PHF14: variants seen among roughly 807,000 people sequenced by gnomAD.
PHF14 encodes the protein PHD finger protein 14.
A neutral mutation model predicts 117.9 loss-of-function variants in PHF14; 55 were observed. The observed-to-expected ratio is 0.47, with a 90% CI of 0.38 to 0.58. PHF14 has a LOEUF of 0.58. PHF14 is among the 20% of genes least tolerant of loss of function. The probability of loss-of-function intolerance (pLI) is 0.00; values close to 1 mark genes in which losing one functional copy is unlikely to be tolerated. For synonymous variants in PHF14, 409 were observed against 368.6 expected (o/e 1.11, Z -1.26); for missense variants, 978 against 1,122.2 (o/e 0.87, Z 1.84).
rs142174329 is a variant in PHF14, at chr7:11,061,605, A to G, written c.2482-186A>G. On this transcript the variant is annotated intron_variant, in intron 14 of 17. Coordinates refer to ENST00000634607, the MANE Select transcript of PHF14 (RefSeq NM_001007157.2). ...AAGTATATTTAATTTGTTACTTTTT[A>G]TTTCCTATGGCATAAATGGTAACAA... The G allele has an allele frequency of 6.5e-3, 2,558 of 392,706 alleles. 51 individuals are homozygous for G. Among genetic ancestry groups the G allele is most frequent in the African/African-American group, 0.049 (2,351 of 48,144 alleles). 24.3% of individuals were successfully genotyped at this position (392,706 alleles called of 1,614,324 possible).
chr7:11,036,425 T>A lies in PHF14; in HGVS notation c.1610T>A (p.Ile537Asn). The part of the protein sequence containing the change: ...KQLSPEAQAR[I>N]NARLQQYRAK... ...AATACATTTCTTTTATAGGCAAGGATCAATGCCCGGCTTCAGCAGTATCGT... is the reference window on the plus strand; with the variant it reads ...AATACATTTCTTTTATAGGCAAGGAACAATGCCCGGCTTCAGCAGTATCGT... Residue 537 changes from isoleucine (I) to asparagine (N), a missense_variant, in exon 9 of 18, where the codon ATC becomes AAC. Coordinates refer to ENST00000634607, the MANE Select transcript of PHF14 (RefSeq NM_001007157.2). 1.2e-6 allele frequency: 2 copies of A among 1,610,886 alleles called. No homozygotes were observed. The highest frequency in any genetic ancestry group is 1.7e-6 in the Non-Finnish European group (2 of 1,177,602).
At chr7:11,007,070 G>C (rs1020632129) in intron 4 of PHF14, among the ~76,000 whole-genome samples, 1 of 151,990 alleles carries the variant, frequency 6.6e-6, no homozygotes, top group East Asian at 1.9e-4. Flanking sequence ...CCAGCTACTT[G>C]GGAGGCTGAG....
intron 17 of PHF14, among the ~76,000 whole-genome samples, chr7:11,152,695 T>A (rs914219393): frequency 6.6e-6 from 1 of 152,182 alleles, no homozygotes; most frequent in Non-Finnish European, 1.5e-5. Context: ...TGCACTCTAG[T>A]AAGGCAGACA....
At chr7:10,984,112 A>G (rs1262396642) in intron 3 of PHF14, among the ~76,000 whole-genome samples, 1 of 152,154 alleles carries the variant, frequency 6.6e-6, no homozygotes, top group East Asian at 1.9e-4. Context: ...TTTTTTCCAT[A>G]TCACTGAAGT....
At chr7:10,996,895 C>T (rs929221615) in intron 4 of PHF14, among the ~76,000 whole-genome samples, 6 of 152,152 alleles carry the variant, frequency 3.9e-5, no homozygotes, top group African/African-American at 7.2e-5. Context: ...CTGGTCATGG[C>T]GTTAGCTCTC....
intron 7 of PHF14, among the ~76,000 whole-genome samples, chr7:11,030,311 A>G (rs573613680): frequency 1.3e-5 from 2 of 152,228 alleles, no homozygotes; most frequent in South Asian, 4.1e-4. Flanking sequence ...CAGGGAATCT[A>G]TAGGATAAGG....
chr7:11,005,396 C>T (rs1296987524), intron 4 of PHF14, among the ~76,000 whole-genome samples: 1 of 151,956 alleles, frequency 6.6e-6, no homozygotes, highest in African/African-American at 2.4e-5. Context: ...TAACTGATTG[C>T]TGTTTCTGTT....
At chr7:11,147,097 C>T (rs894621557) in intron 17 of PHF14, among the ~76,000 whole-genome samples, 2 of 152,126 alleles carry the variant, frequency 1.3e-5, no homozygotes, top group Non-Finnish European at 2.9e-5. Flanking sequence ...ATCTGCCCAC[C>T]TCGGCTTCCC....
At chr7:11,011,453 T>C (rs1299054545) in intron 4 of PHF14, among the ~76,000 whole-genome samples, 4 of 152,236 alleles carry the variant, frequency 2.6e-5, no homozygotes, top group African/African-American at 9.6e-5. Context: ...GTTAAATGTT[T>C]CTCACTGTGG....
At chr7:11,061,533 A>G (rs537404991) in intron 14 of PHF14, 1 of 250,084 alleles carries the variant, frequency 4.0e-6, no homozygotes, top group Non-Finnish European at 7.5e-6. Context: ...TGGAGAATTC[A>G]TTTTTTTTCT....
At chr7:11,054,890 A>T (rs975593573) in intron 14 of PHF14, among the ~76,000 whole-genome samples, 6 of 152,020 alleles carry the variant, frequency 3.9e-5, no homozygotes. Flanking sequence ...TAAATTGATC[A>T]AAGTATAATT....
Position 11,060,402 on chromosome 7 carries a change from G to T in PHF14, c.2482-1389G>T, listed in dbSNP as rs1785180944. Among the ~76,000 whole-genome samples, 5 of 152,318 alleles carry T rather than the reference G, an allele frequency of 3.3e-5. No homozygotes were observed. The South Asian group carries it at 1.0e-3, about 32-fold the overall frequency. On this transcript the variant is annotated intron_variant, in intron 14 of 17. Transcript: ENST00000634607. ...AATAAAGCATTAAAGGGCAAGAGTG[G>T]CACAGAAGGAAAAGAGATGAATGTA... is the stretch of plus-strand genomic sequence containing the variant.
At chr7:11,058,245 T>C (rs1042278743) in intron 14 of PHF14, among the ~76,000 whole-genome samples, 4 of 152,182 alleles carry the variant, frequency 2.6e-5, no homozygotes, top group African/African-American at 9.7e-5. Context: ...CTTATTTTCG[T>C]TTTTCTTGCT....
chr7:11,047,378 A>C (rs1014394315), intron 13 of PHF14, among the ~76,000 whole-genome samples: 10 of 151,862 alleles, frequency 6.6e-5, no homozygotes, highest in Non-Finnish European at 1.5e-4. Context: ...AAATTAGTAC[A>C]CTTTCTTGTC....
At chr7:11,056,456 C>T (rs1785023001) in intron 14 of PHF14, among the ~76,000 whole-genome samples, 2 of 151,648 alleles carry the variant, frequency 1.3e-5, no homozygotes, top group African/African-American at 4.8e-5. Flanking sequence ...TTTTATTCTC[C>T]CATATATTTT....
chr7:11,095,976 A>G (rs1786845787), intron 16 of PHF14, among the ~76,000 whole-genome samples: 1 of 152,142 alleles, frequency 6.6e-6, no homozygotes, highest in African/African-American at 2.4e-5. Flanking sequence ...TGAATTCATA[A>G]CTAGTAATTC....
chr7:11,140,778 A>G (rs1223175578), intron 17 of PHF14, among the ~76,000 whole-genome samples: 2 of 152,130 alleles, frequency 1.3e-5, no homozygotes, highest in Non-Finnish European at 2.9e-5. Flanking sequence ...GCTTTATGTC[A>G]GTAGAATGGC....
intron 4 of PHF14, among the ~76,000 whole-genome samples, chr7:11,013,483 T>C (rs546804864): frequency 1.3e-5 from 2 of 152,292 alleles, no homozygotes; most frequent in African/African-American, 4.8e-5. Flanking sequence ...TTTTTTAAAT[T>C]AAAAATTTAT....
Position 11,127,240 on chromosome 7 carries a change from C to T in PHF14, c.2772+15773C>T, listed in dbSNP as rs1332710227. Among the ~76,000 whole-genome samples the T allele has an allele frequency of 8.6e-5, 10 of 116,778 alleles. No homozygotes were observed. The South Asian group carries it at 2.7e-3, about 32-fold the overall frequency. 76.6% of individuals were successfully genotyped at this position (116,778 alleles called of 152,430 possible). ...GGCATTCTAGATTTTGATTCTTGCC[C>T]CTCCTTTTTTTTTTTTGACTCATTG... On this transcript the variant is annotated intron_variant, in intron 17 of 17. Coordinates refer to ENST00000634607, the MANE Select transcript of PHF14 (RefSeq NM_001007157.2).
Sources: gnomAD v4.1 joint callset for allele counts (sites outside exome capture counted in the v4.1 genomes callset) on GRCh38, gnomAD v4.1.1 for gene constraint, MANE v1.5 for transcripts, NCBI Gene and HGNC (gene_info 2026-07-23, HGNC 2026-07-21) for gene names.